The following DDX52 variants were observed in gnomAD, a reference collection of about 807,000 sequenced individuals.
The protein encoded by DDX52 is DExD-box helicase 52.
A neutral mutation model predicts 76.1 loss-of-function variants in DDX52; 59 were observed. That is an observed-to-expected ratio of 0.78 (90% confidence interval 0.63 to 0.96). The LOEUF is 0.96. Among genes scored for constraint, DDX52 ranks in the 40% least tolerant of loss-of-function variants. DDX52 has a pLI of 0.00. For synonymous variants in DDX52, 231 were observed against 244.1 expected (o/e 0.95, Z 0.50); for missense variants, 707 against 703.9 (o/e 1.00, Z -0.05).
Position 37,621,246 on chromosome 17 carries a change from C to A in DDX52, c.1382G>T (p.Gly461Val), listed in dbSNP as rs763068441. 6.8e-6 allele frequency: 11 copies of A among 1,613,344 alleles called. No individual in the cohort carries two copies. The highest frequency in any genetic ancestry group is 1.3e-5 in the African/African-American group (1 of 74,880). ...TGTACAAATCAGAACCCAGATTTTT[C>A]CTGCTCTGAAACTGTGGACTGTGTT... ...RDNTVHSFRA[G>V]KIWVLICTAL... Residue 461 changes from glycine to valine, a missense_variant, in exon 11 of 15, where the codon GGA becomes GTA. Transcript: ENST00000617633.
rs1248705288 is a variant in DDX52 at position 37,630,027 on chromosome 17, T to C, written c.747+3A>G. ...CATACTCTTCAAAAGCTACAAGTCA[T>C]ACCTGGCTGGCAAGTTCTCGTGTTG... On this transcript the variant is annotated splice_donor_region_variant and intron_variant, in intron 5 of 14. Coordinates refer to ENST00000617633, the MANE Select transcript of DDX52 (RefSeq NM_007010.5). 8 of 1,608,714 alleles carry C rather than the reference T, an allele frequency of 5.0e-6. No homozygotes were observed. The highest frequency in any genetic ancestry group is 6.8e-6 in the Non-Finnish European group (8 of 1,178,644).
At position 37,623,218 on chromosome 17, in the gene DDX52, C is replaced by T. The variant is rs568994082; in HGVS notation, c.1227+1126G>A. ...TCCTTACTTTCCATCTTTCCCATTACAATTCACCTTACATATTACTGTTTA... is the reference window on the plus strand; with the variant it reads ...TCCTTACTTTCCATCTTTCCCATTATAATTCACCTTACATATTACTGTTTA... On this transcript the variant is annotated intron_variant, in intron 9 of 14. Coordinates refer to ENST00000617633, the MANE Select transcript of DDX52 (RefSeq NM_007010.5). Among the ~76,000 whole-genome samples, 3 of 152,306 alleles carry T rather than the reference C, an allele frequency of 2.0e-5. No individual in the cohort carries two copies. The South Asian group carries it at 6.2e-4, about 32-fold the overall frequency.
chr17:37,642,168 C>A lies in DDX52; in HGVS notation c.228G>T (p.Glu76Asp). 6.2e-7 allele frequency: 1 copy of A among 1,614,056 alleles called. No homozygotes were observed. Among genetic ancestry groups the A allele is most frequent in the Non-Finnish European group, 8.5e-7 (1 of 1,180,012 alleles). ...GCTCCCTCTTCCTTTCAGTTAGGCT[C>A]TCTTCTTTTTTCTCTCCATTTTGGG... The part of the protein sequence containing the change: ...QKPQNGEKKE[E>D]SLTERKREQS... Residue 76 changes from glutamate (E) to aspartate (D), a missense_variant, in exon 2 of 15, where the codon GAG becomes GAT. Transcript: ENST00000617633.
At chr17:37,632,647 G>A (rs569830725) in intron 3 of DDX52, among the ~76,000 whole-genome samples, 2 of 152,120 alleles carry the variant, frequency 1.3e-5, no homozygotes, top group Non-Finnish European at 2.9e-5. Flanking sequence ...CTAAAACTCT[G>A]ATTATTAAAA....
intron 9 of DDX52, 174 bp downstream of exon 9, chr17:37,624,170 C>T (rs868573826): frequency 2.6e-5 from 11 of 420,002 alleles, no homozygotes; most frequent in Middle Eastern, 1.2e-3. Context: ...TTACTAAATA[C>T]GATGCAGGAT....
chr17:37,622,968 AG>A (rs2030179049), intron 9 of DDX52, among the ~76,000 whole-genome samples: 1 of 152,224 alleles, frequency 6.6e-6, no homozygotes, highest in Admixed American at 6.5e-5. Context: ...AATGTGGAAG[AG>A]AGGTTAAGTT....
At chr17:37,621,103 G>A (rs1259399833) in intron 11 of DDX52, 24 bp downstream of exon 11, 6 of 1,593,314 alleles carry the variant, frequency 3.8e-6, no homozygotes, top group Non-Finnish European at 5.1e-6. Context: ...GTGACAGAGG[G>A]GAAGGAAAAA....
intron 2 of DDX52, chr17:37,635,425 G>C: frequency 3.0e-6 from 1 of 338,704 alleles, no homozygotes; most frequent in South Asian, 2.4e-5. Context: ...CTATAGACTA[G>C]TTTGCCTTTT....
intron 9 of DDX52, among the ~76,000 whole-genome samples, chr17:37,623,361 C>T (rs1042241869): frequency 5.3e-5 from 8 of 151,408 alleles, no homozygotes; most frequent in African/African-American, 7.4e-5. Flanking sequence ...GGAGGCAGAG[C>T]TTGCAGTGAG....
chr17:37,633,191 A>G, intron 3 of DDX52, 97 bp downstream of exon 3: 1 of 1,300,632 alleles, frequency 7.7e-7, no homozygotes, highest in Non-Finnish European at 1.0e-6. Flanking sequence ...TCTTAACAAA[A>G]CTATATTCAC....
chr17:37,642,151 T>C lies in DDX52; in HGVS notation c.245A>G (p.Lys82Arg). The change falls in exon 2 of 15, where the codon AAG becomes AGG. Residue 82 changes from lysine (K) to arginine (R), a missense_variant. Lys to Arg is a conservative substitution (Grantham distance 26, BLOSUM62 2). Transcript: ENST00000617633. Reference protein sequence around the residue: ...EKKEESLTERKREQSKKKRKT... With the variant: ...EKKEESLTERRREQSKKKRKT... ...CCTTTTTTTCTTGCTCTGCTCCCTC[T>C]TCCTTTCAGTTAGGCTCTCTTCTTT... 1.2e-6 allele frequency: 2 copies of C among 1,614,138 alleles called. No individual in the cohort carries two copies. Among genetic ancestry groups the C allele is most frequent in the Middle Eastern group, 1.7e-4 (1 of 6,060 alleles).
At position 37,643,371 on chromosome 17, in the gene DDX52, T is replaced by A; in HGVS notation, c.50A>T (p.Asp17Val). Residue 17 changes from aspartate to valine, a missense_variant, in exon 1 of 15, where the codon GAC becomes GTC. Asp to Val is a radical substitution (Grantham distance 152). Transcript: ENST00000617633. ...FRRLGAGAKF[D>V]TRRFSADAAR... ...TGCGTCTGCCGAGAAGCGTCTCGTGTCGAATTTGGCCCCCGCGCCGAGCCG... is the reference window on the plus strand; with the variant it reads ...TGCGTCTGCCGAGAAGCGTCTCGTGACGAATTTGGCCCCCGCGCCGAGCCG... The A allele has an allele frequency of 6.2e-7, 1 of 1,614,018 alleles. No individual in the cohort carries two copies. Among genetic ancestry groups the A allele is most frequent in the Non-Finnish European group, 8.5e-7 (1 of 1,179,918 alleles).
chr17:37,633,419 C>A lies in DDX52; in HGVS notation c.287-1G>T, dbSNP rs564465131. On this transcript the variant is annotated splice_acceptor_variant, in intron 2 of 14. Coordinates refer to ENST00000617633, the MANE Select transcript of DDX52 (RefSeq NM_007010.5). LOFTEE classifies it high-confidence loss of function. ...GCACCTTCTTCTTGGGAAGCAATTT[C>A]TAAAATATATTTTTAAAAAGTAAAA... 429 of 1,554,486 alleles carry A rather than the reference C, an allele frequency of 2.8e-4. 3 individuals carry two copies. In the South Asian group the frequency reaches 4.4e-3, roughly 16 times the overall value.
At chr17:37,622,275 A>G (rs1193649095) in intron 9 of DDX52, among the ~76,000 whole-genome samples, 1 of 151,378 alleles carries the variant, frequency 6.6e-6, no homozygotes, top group Non-Finnish European at 1.5e-5. Flanking sequence ...AACCGTTCAT[A>G]TTAGAGTTTC....
chr17:37,622,170 T>TC (rs2030133593), intron 9 of DDX52, among the ~76,000 whole-genome samples: 1 of 151,908 alleles, frequency 6.6e-6, no homozygotes. Context: ...GTAAACATTT[T>TC]TTTTTTACTA....
At chr17:37,626,142 C>T (rs2030362734) in intron 7 of DDX52, 44 bp from the exon 8 acceptor site, 5 of 1,602,678 alleles carry the variant, frequency 3.1e-6, no homozygotes, top group Non-Finnish European at 3.4e-6. Context: ...ACTGAAAGAT[C>T]CAAGACACTT....
chr17:37,623,827 T>A (rs888012886), intron 9 of DDX52, among the ~76,000 whole-genome samples: 1 of 152,210 alleles, frequency 6.6e-6, no homozygotes, highest in African/African-American at 2.4e-5. Context: ...TAAACAAGAC[T>A]AAATTCCAGG....
chr17:37,638,840 G>A (rs1356660073), intron 2 of DDX52, among the ~76,000 whole-genome samples: 1 of 147,868 alleles, frequency 6.8e-6, no homozygotes, highest in African/African-American at 2.5e-5. Context: ...CATGATCTCA[G>A]CTCACTGCAA....
rs2030707595 is a variant in DDX52, at chr17:37,632,099, A to C, written c.603+14T>G. On this transcript the variant is annotated intron_variant, in intron 4 of 14. Transcript: ENST00000617633. The stretch of plus-strand genomic sequence containing the variant: ...GGAAGGAATGTTACAGGCATTCTAG[A>C]TCTTCATACTCACATGCAGCATAAC... 2.5e-6 allele frequency: 4 copies of C among 1,612,788 alleles called. No homozygotes were observed. In the South Asian group the frequency reaches 4.4e-5, roughly 18 times the overall value.
Sources: gnomAD v4.1 joint callset for allele counts (sites outside exome capture counted in the v4.1 genomes callset) on GRCh38, gnomAD v4.1.1 for gene constraint, MANE v1.5 for transcripts, NCBI Gene and HGNC (gene_info 2026-07-23, HGNC 2026-07-21) for gene names.